ARHGAP6: variants seen among roughly 807,000 people sequenced by gnomAD.
ARHGAP6 encodes Rho GTPase activating protein 6.
ARHGAP6 carries 16 observed loss-of-function variants against 55.7 expected under a neutral mutation model. That is an observed-to-expected ratio of 0.29 (90% confidence interval 0.19 to 0.44). The LOEUF is 0.44. Ranked by LOEUF, ARHGAP6 falls within the 20% of genes least tolerant of loss-of-function variation. The pLI, the probability that ARHGAP6 is intolerant of heterozygous loss-of-function variation, is 1.00. For missense variants in ARHGAP6, 698 were observed against 808.9 expected, an observed-to-expected ratio of 0.86 and a Z score of 1.66; for synonymous variants, 382 against 360.9, an observed-to-expected ratio of 1.06 and a Z score of -0.66.
At chrX:11,549,417 G>A (rs2051243508) in intron 1 of ARHGAP6, among the ~76,000 whole-genome samples, 1 of 111,866 alleles carries the variant, frequency 8.9e-6, no homozygotes, top group South Asian at 3.7e-4. Flanking sequence ...GATATAAAAA[G>A]AGCTCAACTC....
At chrX:11,641,686 C>A (rs2052476253) in intron 1 of ARHGAP6, among the ~76,000 whole-genome samples, 1 of 111,687 alleles carries the variant, frequency 9.0e-6, no homozygotes, top group Admixed American at 9.5e-5. Context: ...CACAAGCTAT[C>A]TTTGGAGCAT....
chrX:11,553,723 G>C (rs2051293669), intron 1 of ARHGAP6, among the ~76,000 whole-genome samples: 1 of 111,975 alleles, frequency 8.9e-6, no homozygotes, highest in African/African-American at 3.3e-5. Flanking sequence ...AAAGAAGAAA[G>C]GAGCCAAATG....
chrX:11,179,190 TGATA>T, intron 7 of ARHGAP6, 108 bp downstream of exon 7: 1 of 783,479 alleles, frequency 1.3e-6, no homozygotes, highest in Non-Finnish European at 1.8e-6. Context: ...CTTTAGAGAT[TGATA>T]AATAAGGACA....
chrX:11,498,136 T>C (rs747672881), intron 1 of ARHGAP6, among the ~76,000 whole-genome samples: 3 of 112,110 alleles, frequency 2.7e-5, no homozygotes, highest in East Asian at 5.6e-4. Context: ...AATTAATTTA[T>C]CTATTCTCAT....
chrX:11,527,478 G>A (rs1013373873), intron 1 of ARHGAP6, among the ~76,000 whole-genome samples: 1 of 111,458 alleles, frequency 9.0e-6, no homozygotes, highest in African/African-American at 3.3e-5. Flanking sequence ...CGGGTGTGGT[G>A]GCACACGCCT....
At chrX:11,444,278 G>C (rs1230355469) in intron 1 of ARHGAP6, among the ~76,000 whole-genome samples, 1 of 112,377 alleles carries the variant, frequency 8.9e-6, no homozygotes, top group Non-Finnish European at 1.9e-5. Context: ...TCAGCGGGCT[G>C]AATTTAGTCC....
At position 11,451,071 on chromosome X, in the gene ARHGAP6, C is replaced by T. The variant is rs1280231468; in HGVS notation, c.589-196364G>A. 1.8e-5 allele frequency among the ~76,000 whole-genome samples: 2 copies of T among 111,368 alleles called. 1 individual carries two copies. The highest frequency in any genetic ancestry group is 8.5e-3 in the Middle Eastern group (2 of 236). On this transcript the variant is annotated intron_variant, in intron 1 of 12. Transcript: ENST00000337414. The stretch of plus-strand genomic sequence containing the variant: ...TAGCTTGCCCAGGGATGCTTAGCCT[C>T]CCTGTAACCTGCACACATTGGAAGT...
chrX:11,456,079 G>C (rs1357134041), intron 1 of ARHGAP6, among the ~76,000 whole-genome samples: 1 of 111,880 alleles, frequency 8.9e-6, no homozygotes, highest in Non-Finnish European at 1.9e-5. Flanking sequence ...TCAGCCAGCA[G>C]TTGTAAACTG....
At chrX:11,279,138 G>T (rs753098985) in intron 1 of ARHGAP6, among the ~76,000 whole-genome samples, 1 of 111,853 alleles carries the variant, frequency 8.9e-6, no homozygotes, top group Non-Finnish European at 1.9e-5. Context: ...AGCTTAACAT[G>T]ATGACTTGTT....
intron 1 of ARHGAP6, among the ~76,000 whole-genome samples, chrX:11,324,097 C>G (rs901232678): frequency 9.0e-6 from 1 of 111,504 alleles, no homozygotes; most frequent in Non-Finnish European, 1.9e-5. Flanking sequence ...AAACTTTACG[C>G]CCTAAAGTTA....
Position 11,210,649 on chromosome X carries a change from T to C in ARHGAP6, c.749-13653A>G, listed in dbSNP as rs2046779318. On this transcript the variant is annotated intron_variant, in intron 2 of 12. Transcript: ENST00000337414. ...CAAGTGAAATTCCCCAGTTAGACTA[T>C]AAATAAAAACAGCTGTGCAATTTCA... Among the ~76,000 whole-genome samples the C allele has an allele frequency of 3.6e-5, 4 of 112,407 alleles. No individual in the cohort carries two copies. In the South Asian group the frequency reaches 1.5e-3, roughly 42 times the overall value.
At chrX:11,236,464 C>T (rs770803672) in intron 2 of ARHGAP6, among the ~76,000 whole-genome samples, 11 of 111,351 alleles carry the variant, frequency 9.9e-5, no homozygotes, top group African/African-American at 2.6e-4. Context: ...CTCTACCTTA[C>T]GCTGTAGTGG....
intron 1 of ARHGAP6, among the ~76,000 whole-genome samples, chrX:11,455,659 T>TA (rs2050187971): frequency 8.9e-6 from 1 of 112,185 alleles, no homozygotes; most frequent in Non-Finnish European, 1.9e-5. Context: ...CTCTTTTCCA[T>TA]CTACCCCCAC....
At chrX:11,639,990 C>T (rs1364175807) in intron 1 of ARHGAP6, among the ~76,000 whole-genome samples, 1 of 111,406 alleles carries the variant, frequency 9.0e-6, no homozygotes, top group Non-Finnish European at 1.9e-5. Flanking sequence ...CATGCTACAG[C>T]TATGATTTTG....
At chrX:11,520,791 G>A (rs2050915418) in intron 1 of ARHGAP6, among the ~76,000 whole-genome samples, 1 of 111,740 alleles carries the variant, frequency 8.9e-6, no homozygotes, top group African/African-American at 3.3e-5. Context: ...GTGTAAAAGT[G>A]TTCCTATTTC....
intron 1 of ARHGAP6, among the ~76,000 whole-genome samples, chrX:11,448,201 C>T (rs1285737878): frequency 8.9e-6 from 1 of 112,427 alleles, no homozygotes. Flanking sequence ...TCTTTGAGCA[C>T]AGCCTCCAAT....
At chrX:11,569,644 T>C (rs1693518947) in intron 1 of ARHGAP6, among the ~76,000 whole-genome samples, 1 of 111,839 alleles carries the variant, frequency 8.9e-6, no homozygotes, top group South Asian at 3.7e-4. Context: ...TGCACCATAG[T>C]GGCCTCTCCT....
At chrX:11,489,670 C>A (rs1227625425) in intron 1 of ARHGAP6, among the ~76,000 whole-genome samples, 1 of 112,038 alleles carries the variant, frequency 8.9e-6, no homozygotes, top group Admixed American at 9.5e-5. Flanking sequence ...ATATGAATAA[C>A]TGTATGGTTT....
intron 1 of ARHGAP6, chrX:11,351,343 A>T: frequency 3.1e-6 from 3 of 958,725 alleles, no homozygotes; most frequent in Non-Finnish European, 4.0e-6. Context: ...AAACATTCAT[A>T]TCATATAACT....
Sources: gnomAD v4.1 joint callset for allele counts (sites outside exome capture counted in the v4.1 genomes callset) on GRCh38, gnomAD v4.1.1 for gene constraint, MANE v1.5 for transcripts, NCBI Gene and HGNC (gene_info 2026-07-23, HGNC 2026-07-21) for gene names.